STARD8: variants seen among roughly 807,000 people sequenced by gnomAD.
The protein encoded by STARD8 is stAR-related lipid transfer protein 8.
Under a neutral mutation model 69.4 loss-of-function variants are expected in STARD8, and 25 were observed. That is an observed-to-expected ratio of 0.36 (90% confidence interval 0.26 to 0.50). The LOEUF (loss-of-function observed/expected upper bound fraction) is 0.50, where lower values mean the gene tolerates loss of function less well. Among genes scored for constraint, STARD8 ranks in the 20% least tolerant of loss-of-function variants. STARD8 has a pLI of 0.96. For missense variants in STARD8, 921 were observed against 932.5 expected (o/e 0.99, Z 0.16); for synonymous variants, 389 against 374.6 (o/e 1.04, Z -0.45).
chrX:68,720,449 G>A (rs768814732), intron 8 of STARD8, 26 bp downstream of exon 8: 12 of 1,145,569 alleles, frequency 1.0e-5, no homozygotes, highest in Admixed American at 5.0e-5. Flanking sequence ...GCAGCCTGCC[G>A]GGAGATGGTG....
intron 2 of STARD8, among the ~76,000 whole-genome samples, chrX:68,709,295 C>T (rs1194420576): frequency 8.9e-6 from 1 of 112,421 alleles, no homozygotes; most frequent in Admixed American, 9.4e-5. Context: ...TCACTTCCCC[C>T]AGCCATTTGG....
chrX:68,710,882 G>A lies in STARD8; in HGVS notation c.80-2032G>A, dbSNP rs139806182. 5.0e-3 allele frequency among the ~76,000 whole-genome samples: 557 copies of A among 112,288 alleles called. 3 individuals carry two copies. The highest frequency in any genetic ancestry group is 0.016 in the African/African-American group (502 of 30,859). On this transcript the variant is annotated intron_variant, in intron 2 of 14. Coordinates refer to ENST00000374599, the MANE Select transcript of STARD8 (RefSeq NM_001142503.3). ...AAAGCAGAGCTGGCTGCCAGGATGC[G>A]TGCTAAGATGGGGAAAGGGTCTCAT...
At chrX:68,709,780 G>T (rs1445022899) in intron 2 of STARD8, among the ~76,000 whole-genome samples, 1 of 109,754 alleles carries the variant, frequency 9.1e-6, no homozygotes, top group Non-Finnish European at 1.9e-5. Flanking sequence ...CTGTGATAGC[G>T]CCACTGCACT....
rs1158739884 is a variant in STARD8 at position 68,724,715 on chromosome X, G to T, written c.*293G>T. 1.7e-5 allele frequency: 4 copies of T among 237,435 alleles called. No homozygotes were observed. The highest frequency in any genetic ancestry group is 3.0e-5 in the Non-Finnish European group (4 of 133,570). 19.6% of individuals were successfully genotyped at this position (237,435 alleles called of 1,213,427 possible). A position where few individuals can be genotyped will look rare whatever the true frequency, so the allele number is the denominator to read the frequency against. On this transcript the variant is annotated 3_prime_UTR_variant, in exon 15 of 15. Transcript: ENST00000374599. ...GACTGCTGCCACCAGCCACCTGCTT[G>T]TGAGGCCGCCACTTGGCATGAAGCC...
rs1368021669 is a variant in STARD8, at chrX:68,721,624, C to G, written c.2337C>G (p.Leu779=). The change falls in exon 10 of 15, where the codon CTC becomes CTG. Residue 779 remains leucine (L), a synonymous_variant. Coordinates refer to ENST00000374599, the MANE Select transcript of STARD8 (RefSeq NM_001142503.3). The part of the protein sequence containing the change: ...DENREVLQTL[L]YFLSDIASAE... ...ACCGAGAGGTGCTACAGACCCTGCTCTACTTCTTAAGTGACATTGCCTCTG... is the reference window on the plus strand; with the variant it reads ...ACCGAGAGGTGCTACAGACCCTGCTGTACTTCTTAAGTGACATTGCCTCTG... 1.7e-6 allele frequency: 2 copies of G among 1,210,876 alleles called. No individual in the cohort carries two copies. The highest frequency in any genetic ancestry group is 2.2e-5 in the Admixed American group (1 of 45,910).
intron 1 of STARD8, among the ~76,000 whole-genome samples, chrX:68,652,724 T>C (rs1204380465): frequency 8.8e-4 from 35 of 39,871 alleles, no homozygotes; most frequent in South Asian, 4.6e-3. Flanking sequence ...CATCACACCA[T>C]ACACACACCA....
In STARD8 at chrX:68,712,906, T is replaced by C. The variant is rs761966034; in HGVS notation, c.80-8T>C. 2 of 1,202,357 alleles carry C rather than the reference T, an allele frequency of 1.7e-6. No homozygotes were observed. Among genetic ancestry groups the C allele is most frequent in the Non-Finnish European group, 2.2e-6 (2 of 890,293 alleles). On this transcript the variant is annotated splice_region_variant and splice_polypyrimidine_tract_variant and intron_variant, in intron 2 of 14. Transcript: ENST00000374599. ...CTTTGCCTGTTTCTTTCCCTTGTTC[T>C]GTTTTAGAAGCCGAGGCCAAAAGAG...
At chrX:68,693,905 T>G (rs2079897841) in intron 2 of STARD8, 9 of 681,227 alleles carry the variant, frequency 1.3e-5, no homozygotes, top group Non-Finnish European at 1.6e-5. Flanking sequence ...TTTGCCTCTC[T>G]GGCGCGCTCC....
chrX:68,648,167 C>T (rs1257448120), intron 1 of STARD8, among the ~76,000 whole-genome samples: 2 of 112,405 alleles, frequency 1.8e-5, no homozygotes, highest in Non-Finnish European at 3.8e-5. Context: ...AAACTCGCCT[C>T]TGTTGCTTCC....
At chrX:68,674,930 G>A (rs1172205607) in intron 2 of STARD8, among the ~76,000 whole-genome samples, 3 of 104,520 alleles carry the variant, frequency 2.9e-5, no homozygotes, top group Admixed American at 1.0e-4. Context: ...TTACAGGCAC[G>A]CACCACCATG....
rs767749812 is a variant in STARD8 at position 68,712,933 on chromosome X, A to C, written c.99A>C (p.Ala33=). 46 of 1,205,496 alleles carry C rather than the reference A, an allele frequency of 3.8e-5. 1 individual carries two copies. In the East Asian group the frequency reaches 1.4e-3, roughly 36 times the overall value. The change falls in exon 3 of 15, where the codon GCA becomes GCC. Residue 33 remains alanine (A), a synonymous_variant. Transcript: ENST00000374599. ...KKNAEAEAKR[A]CEWLQATGFP... The stretch of plus-strand genomic sequence containing the variant: ...TTTTAGAAGCCGAGGCCAAAAGAGC[A>C]TGTGAGTGGCTTCAAGCAACAGGAT...
intron 1 of STARD8, among the ~76,000 whole-genome samples, chrX:68,656,852 C>A (rs2079614123): frequency 9.1e-6 from 1 of 109,406 alleles, no homozygotes; most frequent in Non-Finnish European, 1.9e-5. Flanking sequence ...AGACCGGGGC[C>A]TGTTGTGGGG....
In STARD8 at chrX:68,725,220, C is replaced by G. The variant is rs1419907405; in HGVS notation, c.*798C>G. On this transcript the variant is annotated 3_prime_UTR_variant, in exon 15 of 15. Coordinates refer to ENST00000374599, the MANE Select transcript of STARD8 (RefSeq NM_001142503.3). ...TGGCCACGCACTGACACTGCCCAGGCCAAGCAAAAGCAGAGTGTGGTTAAG... is the reference window on the plus strand; with the variant it reads ...TGGCCACGCACTGACACTGCCCAGGGCAAGCAAAAGCAGAGTGTGGTTAAG... 1 of 110,532 alleles carries G rather than the reference C, an allele frequency of 9.0e-6. No individual in the cohort carries two copies. Among genetic ancestry groups the G allele is most frequent in the African/African-American group, 3.3e-5 (1 of 30,337 alleles). The allele number at this position is 110,532 out of a possible 1,213,427, so 9.1% of individuals were successfully genotyped here.
chrX:68,719,325 C>T lies in STARD8; in HGVS notation c.1816C>T (p.His606Tyr), dbSNP rs949060867. ...GTTTGCAGGCCAGATCAACCTCCTG[C>T]ACAAGGGCTCACTGCTGCGGCTTAC... ...RQFAGQINLL[H>Y]KGSLLRLTAF... The change falls in exon 7 of 15, where the codon CAC (histidine) becomes TAC (tyrosine). Residue 606 changes from histidine to tyrosine, a missense_variant. Physicochemically the swap from His to Tyr is moderately conservative, Grantham distance 83. Coordinates refer to ENST00000374599, the MANE Select transcript of STARD8 (RefSeq NM_001142503.3). 5.8e-6 allele frequency: 7 copies of T among 1,208,559 alleles called. No homozygotes were observed. In the Admixed American group the frequency reaches 1.1e-4, roughly 19 times the overall value.
At position 68,720,360 on chromosome X, in the gene STARD8, C is replaced by T. The variant is rs41303723; in HGVS notation, c.1986C>T (p.Gly662=). ...VPPLIHVQRT[G]QPLPQSIQQA... ...CCCTCATCCACGTGCAGCGCACGGG[C>T]CAGCCACTGCCACAGAGCATTCAGC... Residue 662 remains glycine (G), a synonymous_variant, in exon 8 of 15, where the codon GGC becomes GGT. Transcript: ENST00000374599. 3.4e-3 allele frequency: 4,095 copies of T among 1,205,449 alleles called. 6 individuals are homozygous for T. Among genetic ancestry groups the T allele is most frequent in the Non-Finnish European group, 4.3e-3 (3,838 of 892,366 alleles).
intron 13 of STARD8, 44 bp downstream of exon 13, chrX:68,723,887 A>G: frequency 8.3e-7 from 1 of 1,206,531 alleles, no homozygotes; most frequent in Non-Finnish European, 1.1e-6. Flanking sequence ...GGGGGGCCGG[A>G]GAAGTGGGGT....
intron 2 of STARD8, among the ~76,000 whole-genome samples, chrX:68,667,998 A>G (rs1468548784): frequency 9.0e-6 from 1 of 111,288 alleles, no homozygotes. Flanking sequence ...CAAAAAAGCC[A>G]AAATACTGAC....
chrX:68,653,711 A>G (rs1268207011), intron 1 of STARD8, among the ~76,000 whole-genome samples: 6 of 89,614 alleles, frequency 6.7e-5, no homozygotes, highest in Non-Finnish European at 1.1e-4. Context: ...CACATACACC[A>G]CACACACCAC....
chrX:68,657,118 T>G (rs1248793177), intron 1 of STARD8, among the ~76,000 whole-genome samples: 2 of 112,148 alleles, frequency 1.8e-5, no homozygotes, highest in Non-Finnish European at 3.8e-5. Flanking sequence ...AATGAGTTAA[T>G]ATGTATAAAG....
Sources: gnomAD v4.1 joint callset for allele counts (sites outside exome capture counted in the v4.1 genomes callset) on GRCh38, gnomAD v4.1.1 for gene constraint, MANE v1.5 for transcripts, NCBI Gene and HGNC (gene_info 2026-07-23, HGNC 2026-07-21) for gene names.